The following CACNA2D3 variants were observed in gnomAD, a reference collection of about 807,000 sequenced individuals.
The protein encoded by CACNA2D3 is voltage-dependent calcium channel subunit alpha-2/delta-3.
In CACNA2D3, 60 loss-of-function variants were observed where a neutral mutation model predicts 160.6. The observed-to-expected ratio is 0.37, with a 90% CI of 0.30 to 0.46. The LOEUF is 0.46. Ranked by LOEUF, CACNA2D3 falls within the 20% of genes least tolerant of loss-of-function variation. The pLI, the probability that CACNA2D3 is intolerant of heterozygous loss-of-function variation, is 1.00. For synonymous variants in CACNA2D3, 558 were observed against 492.9 expected, an observed-to-expected ratio of 1.13 and a Z score of -1.75; for missense variants, 1,205 against 1,365.0, an observed-to-expected ratio of 0.88 and a Z score of 1.85.
intron 9 of CACNA2D3, among the ~76,000 whole-genome samples, chr3:54,623,696 A>G (rs1699038003): frequency 6.6e-6 from 1 of 152,172 alleles, no homozygotes; most frequent in Non-Finnish European, 1.5e-5. Context: ...TCCTGCAATG[A>G]TGGCGATGTT....
At chr3:54,349,421 T>A (rs1698513567) in intron 3 of CACNA2D3, among the ~76,000 whole-genome samples, 1 of 152,174 alleles carries the variant, frequency 6.6e-6, no homozygotes, top group Admixed American at 6.5e-5. Context: ...AAGCAAAGAC[T>A]TCATGGAGCC....
intron 32 of CACNA2D3, among the ~76,000 whole-genome samples, chr3:55,006,363 A>G (rs1703094196): frequency 6.6e-6 from 1 of 152,064 alleles, no homozygotes; most frequent in Non-Finnish European, 1.5e-5. Flanking sequence ...CGCAACCTCC[A>G]AAGCTTCCTT....
At chr3:54,319,195 C>T (rs1001403473) in intron 2 of CACNA2D3, among the ~76,000 whole-genome samples, 2 of 147,220 alleles carry the variant, frequency 1.4e-5, no homozygotes, top group South Asian at 2.2e-4. Context: ...CACACACACA[C>T]ACACACCCTT....
At chr3:54,605,268 G>C (rs1479508697) in intron 9 of CACNA2D3, among the ~76,000 whole-genome samples, 1 of 152,094 alleles carries the variant, frequency 6.6e-6, no homozygotes, top group Non-Finnish European at 1.5e-5. Flanking sequence ...GAGGATTAGG[G>C]CTTCAGTGTA....
chr3:54,353,477 G>C (rs961517772), intron 3 of CACNA2D3, among the ~76,000 whole-genome samples: 1 of 151,832 alleles, frequency 6.6e-6, no homozygotes, highest in Admixed American at 6.6e-5. Context: ...TTTTATAAAG[G>C]TAACACCCTC....
chr3:54,172,829 T>C (rs1312007903), intron 2 of CACNA2D3, among the ~76,000 whole-genome samples: 4 of 152,216 alleles, frequency 2.6e-5, no homozygotes, highest in Non-Finnish European at 5.9e-5. Context: ...TTAGTAGGTA[T>C]TGGGATTACA....
At chr3:54,249,667 A>ACACACACG (rs1270752394) in intron 2 of CACNA2D3, among the ~76,000 whole-genome samples, 1 of 137,820 alleles carries the variant, frequency 7.3e-6, no homozygotes, top group African/African-American at 2.8e-5. Flanking sequence ...TTACGTACAC[A>ACACACACG]CACACACACA....
At chr3:54,676,096 C>T (rs889034810) in intron 11 of CACNA2D3, among the ~76,000 whole-genome samples, 70 of 152,270 alleles carry the variant, frequency 4.6e-4, no homozygotes, top group African/African-American at 1.7e-3. Context: ...TCCAGTTCCT[C>T]GTCTTTAGTA....
At chr3:54,763,529 A>G (rs1334936324) in intron 12 of CACNA2D3, among the ~76,000 whole-genome samples, 1 of 151,574 alleles carries the variant, frequency 6.6e-6, no homozygotes, top group Non-Finnish European at 1.5e-5. Context: ...TAGACTCACA[A>G]AAATGAAAAA....
chr3:54,325,341 G>T lies in CACNA2D3; in HGVS notation c.321+4783G>T, dbSNP rs146786314. 1.0e-3 allele frequency among the ~76,000 whole-genome samples: 154 copies of T among 152,268 alleles called. 1 individual carries two copies. The highest frequency in any genetic ancestry group is 3.4e-3 in the African/African-American group (143 of 41,560). ...CTGAGATGAGCAGCACAAGAGAAAAGCAGATAAACCAGGAAATGACAAAAA... is the reference window on the plus strand; with the variant it reads ...CTGAGATGAGCAGCACAAGAGAAAATCAGATAAACCAGGAAATGACAAAAA... On this transcript the variant is annotated intron_variant, in intron 3 of 37. Transcript: ENST00000474759.
At chr3:54,744,478 G>A (rs909601089) in intron 11 of CACNA2D3, among the ~76,000 whole-genome samples, 2 of 152,146 alleles carry the variant, frequency 1.3e-5, no homozygotes, top group Non-Finnish European at 2.9e-5. Flanking sequence ...GTAGGAGAAG[G>A]TTTATAGCCA....
At chr3:54,692,923 T>G (rs942658897) in intron 11 of CACNA2D3, among the ~76,000 whole-genome samples, 4 of 152,148 alleles carry the variant, frequency 2.6e-5, no homozygotes, top group African/African-American at 9.7e-5. Context: ...CCATTTAGTT[T>G]TTGCTTCCAC....
chr3:54,400,365 C>T lies in CACNA2D3; in HGVS notation c.381+13591C>T, dbSNP rs571433435. On this transcript the variant is annotated intron_variant, in intron 4 of 37. Transcript: ENST00000474759. ...CTTAGAACTCAGGTGCCAAAATAAGCTCATGAAACCCTGAGCCCACGACTC... is the reference window on the plus strand; with the variant it reads ...CTTAGAACTCAGGTGCCAAAATAAGTTCATGAAACCCTGAGCCCACGACTC... 2.4e-4 allele frequency among the ~76,000 whole-genome samples: 37 copies of T among 152,114 alleles called. 1 individual carries two copies. In the South Asian group the frequency reaches 6.7e-3, roughly 27 times the overall value.
At position 54,891,461 on chromosome 3, in the gene CACNA2D3, G is replaced by T. The variant is rs1266938608; in HGVS notation, c.2246+11G>T. 2.5e-6 allele frequency: 4 copies of T among 1,600,372 alleles called. No homozygotes were observed. In the South Asian group the frequency reaches 4.4e-5, roughly 18 times the overall value. On this transcript the variant is annotated intron_variant, in intron 25 of 37. Transcript: ENST00000474759. ...GCAGCTCACCAATCAGTAAGTAGGA[G>T]GGATCCTCTACAGGGGCCCAGGGAG...
chr3:55,038,238 A>G (rs1703873767), intron 35 of CACNA2D3, among the ~76,000 whole-genome samples: 1 of 152,154 alleles, frequency 6.6e-6, no homozygotes, highest in Non-Finnish European at 1.5e-5. Context: ...ATTTTCATTT[A>G]AACCTTTTAT....
chr3:54,194,978 C>T (rs190935793), intron 2 of CACNA2D3, among the ~76,000 whole-genome samples: 1 of 152,316 alleles, frequency 6.6e-6, no homozygotes, highest in East Asian at 1.9e-4. Flanking sequence ...TTTTCTCTCG[C>T]CGGTTGTACC....
At chr3:54,711,532 C>G (rs1350084463) in intron 11 of CACNA2D3, among the ~76,000 whole-genome samples, 1 of 152,114 alleles carries the variant, frequency 6.6e-6, no homozygotes, top group Non-Finnish European at 1.5e-5. Flanking sequence ...TCTTCCCTAC[C>G]CCCACACAGG....
chr3:54,904,830 A>G (rs1448769861), intron 27 of CACNA2D3, among the ~76,000 whole-genome samples: 2 of 152,200 alleles, frequency 1.3e-5, no homozygotes, highest in Non-Finnish European at 2.9e-5. Flanking sequence ...AAGACAGATA[A>G]TCACTCAGTA....
intron 35 of CACNA2D3, among the ~76,000 whole-genome samples, chr3:55,034,091 G>A (rs972069159): frequency 1.3e-4 from 19 of 151,254 alleles, no homozygotes; most frequent in African/African-American, 4.6e-4. Flanking sequence ...ATGAGTCAAA[G>A]GGTATACATG....
Sources: allele counts gnomAD v4.1 joint callset (sites outside exome capture counted in the v4.1 genomes callset), GRCh38; gene constraint gnomAD v4.1.1; transcripts MANE v1.5; gene names NCBI Gene and HGNC (gene_info 2026-07-23, HGNC 2026-07-21).